Variants in IQCH observed in about 807,000 individuals in gnomAD.
IQCH encodes IQ motif containing H, also known as IQ domain-containing protein H.
Under a neutral mutation model 117.0 loss-of-function variants are expected in IQCH, and 98 were observed. The observed-to-expected ratio is 0.84, with a 90% CI of 0.71 to 0.99. IQCH has a LOEUF of 0.99. IQCH is among the 50% of genes least tolerant of loss of function. The probability of loss-of-function intolerance (pLI) is 0.00; values close to 1 mark genes in which losing one functional copy is unlikely to be tolerated. For synonymous variants in IQCH, 412 were observed against 448.2 expected (o/e 0.92, Z 1.02); for missense variants, 1,102 against 1,243.8 (o/e 0.89, Z 1.72).
chr15:67,304,124 G>A (rs1967185836), intron 4 of IQCH, among the ~76,000 whole-genome samples: 1 of 150,672 alleles, frequency 6.6e-6, no homozygotes, highest in Non-Finnish European at 1.5e-5. Context: ...TGGGAGCAAT[G>A]GGATACACGG....
rs1282267199 is a variant in IQCH at position 67,376,212 on chromosome 15, C to A, written c.1372+2779C>A. ...TATATTTTTAAGGATATAGGGTACC[C>A]TTTTTTTGTGTACCACATCCCTGGG... On this transcript the variant is annotated intron_variant, in intron 10 of 20. Coordinates refer to ENST00000335894, the MANE Select transcript of IQCH (RefSeq NM_001031715.3). This position sits in a 1 kb window ranked among gnomAD's most constrained non-coding sequence, Gnocchi z 5.0. Among the ~76,000 whole-genome samples the A allele has an allele frequency of 6.6e-6, 1 of 152,098 alleles. No homozygotes were observed. Among genetic ancestry groups the A allele is most frequent in the Admixed American group, 6.5e-5 (1 of 15,274 alleles).
At chr15:67,312,957 GAAGT>G (rs1436357867) in intron 4 of IQCH, among the ~76,000 whole-genome samples, 4 of 152,072 alleles carry the variant, frequency 2.6e-5, no homozygotes, top group African/African-American at 9.7e-5. Flanking sequence ...TGGTAGAATA[GAAGT>G]AAGTACCCAT....
chr15:67,407,043 T>C lies in IQCH; in HGVS notation c.2097+6738T>C, dbSNP rs1971938092. The C allele has an allele frequency of 6.6e-6, 1 of 152,216 alleles. No homozygotes were observed. Among genetic ancestry groups the C allele is most frequent in the Admixed American group, 6.5e-5 (1 of 15,282 alleles). 9.4% of individuals were successfully genotyped at this position (152,216 alleles called of 1,614,324 possible). On this transcript the variant is annotated intron_variant, in intron 14 of 20. Coordinates refer to ENST00000335894, the MANE Select transcript of IQCH (RefSeq NM_001031715.3). This position sits in a 1 kb window ranked among gnomAD's most constrained non-coding sequence, Gnocchi z 5.3. Reference sequence around the variant, plus strand: ...TAGGCTCTGGTAGGCTTCCAGGATATTGCTGTCTATGTCCATCAGCCATCA... The same window carrying C: ...TAGGCTCTGGTAGGCTTCCAGGATACTGCTGTCTATGTCCATCAGCCATCA...
In IQCH at chr15:67,356,142, G is replaced by T. The variant is rs751478123; in HGVS notation, c.638-1203G>T. Among the ~76,000 whole-genome samples, 1 of 152,146 alleles carries T rather than the reference G, an allele frequency of 6.6e-6. No homozygotes were observed. The highest frequency in any genetic ancestry group is 1.5e-5 in the Non-Finnish European group (1 of 68,040). ...CAAAGCAGGCTGAACACAGAATGTG[G>T]ACTTACCTTCAGAAGTGGGAGAGCA... is the stretch of plus-strand genomic sequence containing the variant. On this transcript the variant is annotated intron_variant, in intron 6 of 20. Coordinates refer to ENST00000335894, the MANE Select transcript of IQCH (RefSeq NM_001031715.3). The surrounding 1 kb of genome is among the most constrained non-coding windows in gnomAD (Gnocchi z 5.3).
Position 67,376,253 on chromosome 15 carries a change from T to A in IQCH, c.1372+2820T>A, listed in dbSNP as rs1306787827. ...CATCCCTGGGAGTCCTTAAAGAAGA[T>A]TTCAGCTAGATGCCACAAACTTCTT... On this transcript the variant is annotated intron_variant, in intron 10 of 20. Coordinates refer to ENST00000335894, the MANE Select transcript of IQCH (RefSeq NM_001031715.3). This position sits in a 1 kb window ranked among gnomAD's most constrained non-coding sequence, Gnocchi z 5.0. Among the ~76,000 whole-genome samples the A allele has an allele frequency of 6.6e-6, 1 of 152,196 alleles. No individual in the cohort carries two copies. The highest frequency in any genetic ancestry group is 1.5e-5 in the Non-Finnish European group (1 of 68,022).
At chr15:67,414,072 A>G (rs2081515228) in intron 14 of IQCH, among the ~76,000 whole-genome samples, 1 of 152,212 alleles carries the variant, frequency 6.6e-6, no homozygotes, top group African/African-American at 2.4e-5. Flanking sequence ...TGCCCTTCAG[A>G]GGCAGGGAAT....
chr15:67,345,962 A>G (rs1969368518), intron 6 of IQCH, among the ~76,000 whole-genome samples: 1 of 152,196 alleles, frequency 6.6e-6, no homozygotes, highest in Non-Finnish European at 1.5e-5. Flanking sequence ...TGTATCTAAA[A>G]TTATTCCAAA....
At chr15:67,287,975 A>G (rs1294844138) in intron 4 of IQCH, among the ~76,000 whole-genome samples, 2 of 151,916 alleles carry the variant, frequency 1.3e-5, no homozygotes, top group Non-Finnish European at 2.9e-5. Context: ...GAAATTTTTC[A>G]GTTTTCTTAA....
At chr15:67,486,812 T>C (rs1372906764) in intron 18 of IQCH, among the ~76,000 whole-genome samples, 1 of 152,252 alleles carries the variant, frequency 6.6e-6, no homozygotes, top group East Asian at 1.9e-4. Flanking sequence ...CATTTCAGCA[T>C]GTAATCAGTA....
intron 1 of IQCH, among the ~76,000 whole-genome samples, chr15:67,257,466 G>A (rs1256883333): frequency 6.6e-6 from 1 of 152,202 alleles, no homozygotes. Context: ...GTTCTCAAAG[G>A]TGTTGTAAGT....
chr15:67,299,395 T>G (rs1217942989), intron 4 of IQCH, among the ~76,000 whole-genome samples: 1 of 152,070 alleles, frequency 6.6e-6, no homozygotes, highest in Non-Finnish European at 1.5e-5. Flanking sequence ...TCTGTTATAC[T>G]CAACAATAAT....
chr15:67,278,126 A>G (rs1966205367), intron 3 of IQCH, among the ~76,000 whole-genome samples: 1 of 152,176 alleles, frequency 6.6e-6, no homozygotes, highest in Admixed American at 6.5e-5. Context: ...GAAGTTGTCT[A>G]ATTGCCCTTC....
At chr15:67,274,154 G>C (rs144740934) in intron 3 of IQCH, among the ~76,000 whole-genome samples, 8 of 152,146 alleles carry the variant, frequency 5.3e-5, no homozygotes, top group Non-Finnish European at 1.2e-4. Context: ...TCTTATTTGG[G>C]TTGAATCTAT....
intron 4 of IQCH, among the ~76,000 whole-genome samples, chr15:67,295,573 G>A (rs1966847637): frequency 6.6e-6 from 1 of 152,180 alleles, no homozygotes; most frequent in South Asian, 2.1e-4. Flanking sequence ...TACTGAGCTA[G>A]GAGGCGTCTG....
rs1970047847 is a variant in IQCH, at chr15:67,359,627, A to T, written c.715-220A>T. 6.6e-6 allele frequency among the ~76,000 whole-genome samples: 1 copy of T among 152,174 alleles called. No homozygotes were observed. Among genetic ancestry groups the T allele is most frequent in the African/African-American group, 2.4e-5 (1 of 41,446 alleles). On this transcript the variant is annotated intron_variant, in intron 7 of 20. Coordinates refer to ENST00000335894, the MANE Select transcript of IQCH (RefSeq NM_001031715.3). This position sits in a 1 kb window ranked among gnomAD's most constrained non-coding sequence, Gnocchi z 4.5. Reference sequence around the variant, plus strand: ...TTTTTGTAAATATTTACTTAATCAAACTCTTTCTTCAAAGCAAACGGGGCT... The same window carrying T: ...TTTTTGTAAATATTTACTTAATCAATCTCTTTCTTCAAAGCAAACGGGGCT...
At chr15:67,498,792 T>A (rs1458843284) in intron 20 of IQCH, among the ~76,000 whole-genome samples, 2 of 151,882 alleles carry the variant, frequency 1.3e-5, no homozygotes, top group Admixed American at 1.3e-4. Flanking sequence ...TCAGACCTCA[T>A]CAAAATTTAA....
At chr15:67,450,682 CTCT>C (rs779660165) in intron 16 of IQCH, among the ~76,000 whole-genome samples, 3 of 152,204 alleles carry the variant, frequency 2.0e-5, no homozygotes, top group South Asian at 4.1e-4. Context: ...GTCTAAAATT[CTCT>C]TTTTTGGTTG....
chr15:67,304,500 T>A, intron 4 of IQCH: 1 of 958,064 alleles, frequency 1.0e-6, no homozygotes, highest in East Asian at 2.7e-5. Flanking sequence ...TTTTAAGAAA[T>A]AAAAGTCATT....
rs2083818470 is a variant in IQCH, at chr15:67,496,626, C to CT, written c.2970+2262dup. 6.6e-6 allele frequency among the ~76,000 whole-genome samples: 1 copy of CT among 152,084 alleles called. No individual in the cohort carries two copies. The highest frequency in any genetic ancestry group is 6.6e-5 in the Admixed American group (1 of 15,264). On this transcript the variant is annotated intron_variant, in intron 20 of 20. Transcript: ENST00000335894. The surrounding 1 kb of genome is among the most constrained non-coding windows in gnomAD (Gnocchi z 4.4). ...TTGGGAGGCCAAGGTGGGAGGATTA[C>CT]TTGCACTCAGGAGTTTGAGACCAGC... is the stretch of plus-strand genomic sequence containing the variant.
Sources: allele counts gnomAD v4.1 joint callset (sites outside exome capture counted in the v4.1 genomes callset), GRCh38; gene constraint gnomAD v4.1.1; non-coding constraint Gnocchi (gnomAD v3.1); transcripts MANE v1.5; gene names NCBI Gene and HGNC (gene_info 2026-07-23, HGNC 2026-07-21).